EED: variants seen among roughly 807,000 people sequenced by gnomAD.
EED encodes the protein embryonic ectoderm development, also known as polycomb protein EED.
In EED, 9 loss-of-function variants were observed where a neutral mutation model predicts 61.0. That is an observed-to-expected ratio of 0.15 (90% CI 0.09 to 0.26). The LOEUF (loss-of-function observed/expected upper bound fraction) is 0.26. Among genes scored for constraint, EED ranks in the 10% least tolerant of loss-of-function variants. The pLI is 1.00. For missense variants in EED, 315 were observed against 542.3 expected (o/e 0.58, Z 4.16); for synonymous variants, 187 against 174.4 (o/e 1.07, Z -0.57).
intron 4 of EED, among the ~76,000 whole-genome samples, chr11:86,256,060 C>G (rs777416381): frequency 4.6e-5 from 7 of 152,154 alleles, no homozygotes; most frequent in Non-Finnish European, 7.4e-5. Flanking sequence ...AGGTTGGTCA[C>G]CTGTTTTTGT....
chr11:86,283,274 T>TA (rs942206922), downstream of EED, among the ~76,000 whole-genome samples: 3 of 151,932 alleles, frequency 2.0e-5, no homozygotes, highest in African/African-American at 4.8e-5. Flanking sequence ...CAATAAAAAA[T>TA]AAAAAAATAA....
downstream of EED, among the ~76,000 whole-genome samples, chr11:86,282,400 A>G (rs1946334764): frequency 6.6e-6 from 1 of 152,148 alleles, no homozygotes; most frequent in Non-Finnish European, 1.5e-5. Context: ...TTCTTAACAG[A>G]TTATTCTGCT....
chr11:86,282,009 T>C (rs1330265620), downstream of EED, among the ~76,000 whole-genome samples: 2 of 152,034 alleles, frequency 1.3e-5, no homozygotes, highest in East Asian at 3.8e-4. Flanking sequence ...TATAGAAGAG[T>C]GAAGAGAGTA....
chr11:86,286,782 C>G, the EED span, among the ~76,000 whole-genome samples: 1 of 152,000 alleles, frequency 6.6e-6, no homozygotes, highest in South Asian at 2.1e-4. Context: ...ACTATCCTGG[C>G]TAACACGGTG....
intron 11 of EED, 104 bp downstream of exon 11, chr11:86,278,095 T>C (rs1435693485): frequency 3.6e-6 from 5 of 1,377,800 alleles, no homozygotes; most frequent in African/African-American, 3.0e-5. Flanking sequence ...CCTTAAGTCA[T>C]TTTTAACATT....
At chr11:86,283,763 C>T (rs1946350212), downstream of EED, among the ~76,000 whole-genome samples, 1 of 143,654 alleles carries the variant, frequency 7.0e-6, no homozygotes, top group East Asian at 2.0e-4. Context: ...GAATGTGGCA[C>T]AGAGAATCAA....
chr11:86,286,796 C>T, the EED span, among the ~76,000 whole-genome samples: 4 of 151,802 alleles, frequency 2.6e-5, no homozygotes, highest in African/African-American at 9.7e-5. Context: ...CACGGTGAAA[C>T]CCCGTCTCTA....
chr11:86,285,433 AAAATT>A, the EED span, among the ~76,000 whole-genome samples: 4 of 152,152 alleles, frequency 2.6e-5, no homozygotes, highest in Non-Finnish European at 5.9e-5. Context: ...AAAAGAAAAA[AAAATT>A]AAAAGGAAAA....
rs372831813 is a variant in EED, at chr11:86,255,338, A to G, written c.426+51A>G. ...CTTTAGTCAAAGGAATTTATTTTCA[A>G]TAAGTGCACCAAAACTTTTATAAAT... On this transcript the variant is annotated intron_variant, in intron 4 of 11. Transcript: ENST00000263360. The G allele has an allele frequency of 2.0e-5, 29 of 1,415,676 alleles. 1 individual carries two copies. Among genetic ancestry groups the G allele is most frequent in the South Asian group, 3.7e-5 (3 of 80,084 alleles). The allele number at this position is 1,415,676 out of a possible 1,614,324, so 87.7% of individuals were successfully genotyped here.
intron 6 of EED, among the ~76,000 whole-genome samples, chr11:86,260,686 G>A (rs890470353): frequency 6.6e-6 from 1 of 152,120 alleles, no homozygotes; most frequent in African/African-American, 2.4e-5. Context: ...TTTAATGTGA[G>A]TATGGTGAAG....
intron 11 of EED, 181 bp downstream of exon 11, chr11:86,278,172 G>A: frequency 7.5e-7 from 1 of 1,324,742 alleles, no homozygotes; most frequent in Non-Finnish European, 9.7e-7. Flanking sequence ...AAGTACCTTG[G>A]TGACAAGTCA....
At chr11:86,271,748 G>A (rs185223697) in intron 9 of EED, among the ~76,000 whole-genome samples, 4 of 152,126 alleles carry the variant, frequency 2.6e-5, no homozygotes, top group Admixed American at 2.6e-4. Flanking sequence ...TGCTCATATG[G>A]TTTATCTTGT....
At chr11:86,279,711 GTGTT>G (rs1333460357), downstream of EED, among the ~76,000 whole-genome samples, 1 of 152,198 alleles carries the variant, frequency 6.6e-6, no homozygotes, top group African/African-American at 2.4e-5. Context: ...ATCTTGTACA[GTGTT>G]TGATACTGCC....
rs779705890 is a variant in EED at position 86,245,325 on chromosome 11, C to T, written c.96C>T (p.Asp32=). Residue 32 remains aspartate (D), a synonymous_variant, in exon 1 of 12, where the codon GAC becomes GAT. Transcript: ENST00000263360. Reference sequence around the variant, plus strand: ...GCAGTGACGAGAACAGCAATCCAGACCTCTCTGGAGACGAGAATGTAAGTG... The same window carrying T: ...GCAGTGACGAGAACAGCAATCCAGATCTCTCTGGAGACGAGAATGTAAGTG... ...KLSSDENSNP[D]LSGDENDDAV... is the part of the protein sequence containing the mutation. 90 of 1,612,340 alleles carry T rather than the reference C, an allele frequency of 5.6e-5. No homozygotes were observed. The highest frequency in any genetic ancestry group is 7.2e-5 in the Non-Finnish European group (85 of 1,179,212).
At chr11:86,251,425 C>T (rs1945526848) in intron 2 of EED, among the ~76,000 whole-genome samples, 1 of 152,142 alleles carries the variant, frequency 6.6e-6, no homozygotes, top group Admixed American at 6.5e-5. Flanking sequence ...AAAGCTGTGG[C>T]TTTTCAAATG....
intron 8 of EED, among the ~76,000 whole-genome samples, chr11:86,267,583 C>A (rs1029383365): frequency 6.6e-6 from 1 of 151,864 alleles, no homozygotes; most frequent in Non-Finnish European, 1.5e-5. Flanking sequence ...TTGGAAAAGT[C>A]CTAGGAAATT....
Position 86,268,456 on chromosome 11 carries a change from G to T in EED, c.861G>T (p.Arg287Ser). 9 of 1,555,458 alleles carry T rather than the reference G, an allele frequency of 5.8e-6. No homozygotes were observed. Among genetic ancestry groups the T allele is most frequent in the South Asian group, 1.2e-5 (1 of 84,666 alleles). Residue 287 changes from arginine (R) to serine (S), a missense_variant and splice_region_variant, in exon 9 of 12, where the codon AGG becomes AGT. Coordinates refer to ENST00000263360, the MANE Select transcript of EED (RefSeq NM_003797.5). ...TTTTACATTTCCATTCTTCCTTCAG[G>T]CCATTTATTTCTCAGAAAATCCATT... ...SYDYNPNKTN[R>S]PFISQKIHFP...
intron 9 of EED, among the ~76,000 whole-genome samples, chr11:86,275,070 G>C (rs76147978): frequency 0.031 from 4,744 of 152,140 alleles, 239 homozygotes; most frequent in African/African-American, 0.11. Context: ...ATTAGCATTT[G>C]TGAGTTGCTG....
chr11:86,245,418 A>G (rs1319531336), intron 1 of EED, 75 bp downstream of exon 1: 17 of 1,111,574 alleles, frequency 1.5e-5, no homozygotes, highest in Non-Finnish European at 2.2e-5. Context: ...GGGCGCGGGG[A>G]CGAGCGGGCT....
Sources: allele counts gnomAD v4.1 joint callset (sites outside exome capture counted in the v4.1 genomes callset), GRCh38; gene constraint gnomAD v4.1.1; transcripts MANE v1.5; gene names NCBI Gene and HGNC (gene_info 2026-07-23, HGNC 2026-07-21).